MYO10: variants seen among roughly 807,000 people sequenced by gnomAD.
MYO10 encodes the protein myosin X.
Under a neutral mutation model 257.3 loss-of-function variants are expected in MYO10, and 133 were observed. That is an observed-to-expected ratio of 0.52 (90% CI 0.45 to 0.60). The LOEUF (loss-of-function observed/expected upper bound fraction) is 0.60, where lower values mean the gene tolerates loss of function less well. Ranked by LOEUF, MYO10 falls within the 20% of genes least tolerant of loss-of-function variation. The pLI is 0.00. For missense variants in MYO10, 2,399 were observed against 2,635.7 expected (o/e 0.91, Z 1.97); for synonymous variants, 1,104 against 1,028.6 (o/e 1.07, Z -1.40).
At chr5:16,790,782 C>A (rs1741726381) in intron 4 of MYO10, among the ~76,000 whole-genome samples, 1 of 151,970 alleles carries the variant, frequency 6.6e-6, no homozygotes, top group African/African-American at 2.4e-5. Flanking sequence ...TAAACTAAAC[C>A]CTGTCTGGCC....
chr5:16,695,715 A>T (rs1431374934), intron 26 of MYO10, among the ~76,000 whole-genome samples: 1 of 152,216 alleles, frequency 6.6e-6, no homozygotes, highest in Non-Finnish European at 1.5e-5. Flanking sequence ...CTGTCCACAC[A>T]TTATTTTCTT....
At chr5:16,822,482 T>C (rs886845731) in intron 2 of MYO10, among the ~76,000 whole-genome samples, 2 of 151,946 alleles carry the variant, frequency 1.3e-5, no homozygotes, top group Non-Finnish European at 2.9e-5. Context: ...TGAAACGTAA[T>C]GAAGGTCAGG....
At chr5:16,881,870 A>G (rs1184711977) in intron 1 of MYO10, among the ~76,000 whole-genome samples, 1 of 152,024 alleles carries the variant, frequency 6.6e-6, no homozygotes, top group East Asian at 1.9e-4. Flanking sequence ...TATGCAAACT[A>G]TTACATTCAG....
intron 2 of MYO10, among the ~76,000 whole-genome samples, chr5:16,858,238 C>T (rs562598503): frequency 2.0e-5 from 3 of 152,160 alleles, no homozygotes; most frequent in African/African-American, 7.2e-5. Flanking sequence ...GTGAGTTTTT[C>T]CAGACATTTA....
At chr5:16,905,677 A>G (rs140631153) in intron 1 of MYO10, among the ~76,000 whole-genome samples, 8 of 152,294 alleles carry the variant, frequency 5.3e-5, no homozygotes, top group African/African-American at 1.7e-4. Context: ...TTCCAAATAC[A>G]TGTTGTGGCT....
chr5:16,931,821 C>A (rs972537301), intron 1 of MYO10, among the ~76,000 whole-genome samples: 4 of 152,216 alleles, frequency 2.6e-5, no homozygotes, highest in African/African-American at 9.7e-5. Flanking sequence ...CCCCTTTACA[C>A]ATGGAGACAT....
At chr5:16,884,609 G>T (rs181614664) in intron 1 of MYO10, among the ~76,000 whole-genome samples, 126 of 152,068 alleles carry the variant, frequency 8.3e-4, no homozygotes, top group Middle Eastern at 6.9e-3. Flanking sequence ...TGCAGAAACG[G>T]GTTGTGAGCA....
chr5:16,889,346 C>T (rs543572596), intron 1 of MYO10, among the ~76,000 whole-genome samples: 4 of 151,822 alleles, frequency 2.6e-5, no homozygotes, highest in South Asian at 4.2e-4. Flanking sequence ...GCGGAGGTTG[C>T]GGTGAGCCGA....
intron 19 of MYO10, among the ~76,000 whole-genome samples, chr5:16,717,972 C>G (rs1192183906): frequency 6.6e-6 from 1 of 152,182 alleles, no homozygotes; most frequent in Admixed American, 6.5e-5. Context: ...GAGCGGGAAC[C>G]GGGGCTGCGT....
chr5:16,918,875 C>T (rs1293495946), intron 1 of MYO10, among the ~76,000 whole-genome samples: 1 of 152,126 alleles, frequency 6.6e-6, no homozygotes, highest in Admixed American at 6.5e-5. Context: ...GATGAGTGTG[C>T]AGTTGCTGTC....
At chr5:16,915,211 T>C (rs1007756011) in intron 1 of MYO10, among the ~76,000 whole-genome samples, 3 of 151,864 alleles carry the variant, frequency 2.0e-5, no homozygotes, top group African/African-American at 7.3e-5. Flanking sequence ...ACAAAAAGAG[T>C]ACTTTCTGAA....
chr5:16,864,504 G>C (rs1680618585), intron 2 of MYO10, among the ~76,000 whole-genome samples: 1 of 152,184 alleles, frequency 6.6e-6, no homozygotes, highest in African/African-American at 2.4e-5. Flanking sequence ...TATTCAGCTA[G>C]AGCCTGCATA....
chr5:16,780,384 T>C (rs1741386564), intron 8 of MYO10, 140 bp downstream of exon 8: 1 of 764,700 alleles, frequency 1.3e-6, no homozygotes, highest in South Asian at 1.7e-5. Context: ...ATTCAGCATC[T>C]TTTTGGTGTT....
intron 1 of MYO10, among the ~76,000 whole-genome samples, chr5:16,885,192 C>CTTT (rs57492208): frequency 2.1e-5 from 3 of 143,296 alleles, no homozygotes; most frequent in African/African-American, 5.1e-5. Context: ...GTCCACTCTG[C>CTTT]TTTTTTTTTT....
Position 16,764,372 on chromosome 5 carries a change from C to A in MYO10, c.1204G>T (p.Ala402Ser). The A allele has an allele frequency of 6.2e-7, 1 of 1,613,890 alleles. No individual in the cohort carries two copies. The highest frequency in any genetic ancestry group is 1.3e-5 in the African/African-American group (1 of 75,024). The change falls in exon 12 of 41, where the codon GCC becomes TCC. Residue 402 changes from alanine (A) to serine (S), a missense_variant. Coordinates refer to ENST00000513610, the MANE Select transcript of MYO10 (RefSeq NM_012334.3). ...AAGCAGCACGCATACAGAGCCATGGCCAGGGAGTCCCTGCTGTCTACTGCC... is the reference window on the plus strand; with the variant it reads ...AAGCAGCACGCATACAGAGCCATGGACAGGGAGTCCCTGCTGTCTACTGCC... ...QQAVDSRDSL[A>S]MALYACCFEW...
intron 1 of MYO10, among the ~76,000 whole-genome samples, chr5:16,909,247 G>A (rs560607654): frequency 1.3e-5 from 2 of 152,136 alleles, no homozygotes; most frequent in East Asian, 1.9e-4. Context: ...GGTGGCTCAC[G>A]CCCGTAATCC....
At position 16,703,073 on chromosome 5, in the gene MYO10, G is replaced by A; in HGVS notation, c.2362C>T (p.Leu788=). Residue 788 remains leucine, a synonymous_variant, in exon 23 of 41, where the codon CTG becomes TTG. Coordinates refer to ENST00000513610, the MANE Select transcript of MYO10 (RefSeq NM_012334.3). ...TGGAAAACTATGGCTGCCTTTTTCA[G>A]GTGCAAAAATCTCCTCCTCAGAAGG... The part of the protein sequence containing the change: ...AFLLRRRFLH[L]KKAAIVFQKQ... 6.4e-7 allele frequency: 1 copy of A among 1,567,376 alleles called. No individual in the cohort carries two copies. The highest frequency in any genetic ancestry group is 2.3e-5 in the East Asian group (1 of 43,114).
rs541770808 is a variant in MYO10 at position 16,680,079 on chromosome 5, C to A, written c.4410G>T (p.Gly1470=). The change falls in exon 33 of 41, where the codon GGG becomes GGT. Residue 1470 remains glycine (G), a synonymous_variant. Coordinates refer to ENST00000513610, the MANE Select transcript of MYO10 (RefSeq NM_012334.3). The part of the protein sequence containing the change: ...ETGYWNVTVY[G]RKHCYRLYTK... ...TGTAGAGCCGGTAACAGTGCTTGCG[C>A]CCGTACACGGTGACGTTCCAGTAGC... The A allele has an allele frequency of 5.0e-6, 8 of 1,611,620 alleles. No homozygotes were observed. Among genetic ancestry groups the A allele is most frequent in the Non-Finnish European group, 3.4e-6 (4 of 1,178,758 alleles).
At chr5:16,830,393 T>A (rs931212481) in intron 2 of MYO10, among the ~76,000 whole-genome samples, 7 of 152,266 alleles carry the variant, frequency 4.6e-5, no homozygotes, top group African/African-American at 1.7e-4. Flanking sequence ...TTAAGGGACA[T>A]CTACTGCACA....
Sources: gnomAD v4.1 joint callset for allele counts (sites outside exome capture counted in the v4.1 genomes callset) on GRCh38, gnomAD v4.1.1 for gene constraint, MANE v1.5 for transcripts, NCBI Gene and HGNC (gene_info 2026-07-23, HGNC 2026-07-21) for gene names.